GALNT2: variants seen among roughly 807,000 people sequenced by gnomAD.
GALNT2 encodes the protein UDP-GalNAc:polypeptide N-acetylgalactosaminyltransferase 2.
GALNT2 carries 31 observed loss-of-function variants against 81.4 expected under a neutral mutation model. The observed-to-expected ratio is 0.38, with a 90% CI of 0.29 to 0.51. The LOEUF (loss-of-function observed/expected upper bound fraction) is 0.51, where lower values mean the gene tolerates loss of function less well. GALNT2 is among the 20% of genes least tolerant of loss of function. The probability of loss-of-function intolerance (pLI) is 0.87; values close to 1 mark genes in which losing one functional copy is unlikely to be tolerated. For missense variants in GALNT2, 629 were observed against 765.7 expected (o/e 0.82, Z 2.11); for synonymous variants, 303 against 287.4 (o/e 1.05, Z -0.55).
chr1:230,207,184 T>C (rs114126875), intron 3 of GALNT2, among the ~76,000 whole-genome samples: 180 of 152,146 alleles, frequency 1.2e-3, no homozygotes, highest in African/African-American at 4.0e-3. Flanking sequence ...CTGGCATATA[T>C]TGAGTGCCCA....
intron 1 of GALNT2, among the ~76,000 whole-genome samples, chr1:230,168,126 C>T (rs575227491): frequency 9.9e-5 from 15 of 152,156 alleles, no homozygotes; most frequent in Admixed American, 9.2e-4. Context: ...ACTGGGGAGG[C>T]GGTGGACTCG....
intron 6 of GALNT2, among the ~76,000 whole-genome samples, chr1:230,241,584 T>C (rs1328162415): frequency 1.3e-5 from 2 of 152,098 alleles, no homozygotes; most frequent in Non-Finnish European, 2.9e-5. Context: ...GTAGCTGGGA[T>C]TACAGGCGCA....
At chr1:230,076,301 T>C (rs946419992) in intron 1 of GALNT2, among the ~76,000 whole-genome samples, 1 of 152,212 alleles carries the variant, frequency 6.6e-6, no homozygotes, top group African/African-American at 2.4e-5. Context: ...AGTCATTCAT[T>C]GTTAGGTGCA....
At chr1:230,085,091 T>C (rs965548919) in intron 1 of GALNT2, among the ~76,000 whole-genome samples, 1 of 152,170 alleles carries the variant, frequency 6.6e-6, no homozygotes, top group Admixed American at 6.5e-5. Context: ...AGGAATAGAA[T>C]GATCAGTTGT....
intron 14 of GALNT2, among the ~76,000 whole-genome samples, chr1:230,267,003 C>CACAG (rs143939014): frequency 6.6e-6 from 1 of 151,964 alleles, no homozygotes; most frequent in African/African-American, 2.4e-5. Context: ...CACACACACA[C>CACAG]ACACACACAC....
Position 230,279,422 on chromosome 1 carries a change from G to A in GALNT2, c.1680G>A (p.Ser560=), listed in dbSNP as rs748324953. The A allele has an allele frequency of 9.9e-6, 16 of 1,614,090 alleles. No individual in the cohort carries two copies. The East Asian group carries it at 1.6e-4, about 16-fold the overall frequency. Residue 560 remains serine (S), a synonymous_variant, in exon 16 of 16, where the codon TCG becomes TCA. Coordinates refer to ENST00000366672, the MANE Select transcript of GALNT2 (RefSeq NM_004481.5). This position sits in a 1 kb window ranked among gnomAD's most constrained non-coding sequence, Gnocchi z 4.6. The part of the protein sequence containing the change: ...LSVEVCGPAL[S]QQWKFTLNLQ... ...TGGAGGTGTGTGGCCCGGCCCTTTC[G>A]CAGCAGTGGAAGTTCACGCTCAACC...
chr1:230,258,094 T>C (rs1009672721), intron 11 of GALNT2, among the ~76,000 whole-genome samples: 15 of 152,152 alleles, frequency 9.9e-5, no homozygotes. Flanking sequence ...TTTGTATTTT[T>C]AGTAGAGACA....
At chr1:230,114,163 T>G (rs1421621964) in intron 1 of GALNT2, among the ~76,000 whole-genome samples, 1 of 152,192 alleles carries the variant, frequency 6.6e-6, no homozygotes, top group Non-Finnish European at 1.5e-5. Context: ...TCTGAGATTC[T>G]TGGAAACGGG....
At chr1:230,100,868 T>C (rs201825336) in intron 1 of GALNT2, among the ~76,000 whole-genome samples, 1 of 49,716 alleles carries the variant, frequency 2.0e-5, no homozygotes, top group Admixed American at 2.0e-4. Context: ...ATGGGAAATA[T>C]ACATGTACAC....
At chr1:230,062,242 T>C (rs1176243344), upstream of GALNT2, among the ~76,000 whole-genome samples, 3 of 152,224 alleles carry the variant, frequency 2.0e-5, no homozygotes, top group African/African-American at 7.2e-5. Flanking sequence ...CGCCATTTTT[T>C]ATAGGAGATT....
In GALNT2 at chr1:230,258,265, C is replaced by T. The variant is rs752116652; in HGVS notation, c.1136+2921C>T. Among the ~76,000 whole-genome samples, 68 of 148,896 alleles carry T rather than the reference C, an allele frequency of 4.6e-4. 1 individual carries two copies. The highest frequency in any genetic ancestry group is 9.6e-4 in the Non-Finnish European group (65 of 67,484). On this transcript the variant is annotated intron_variant, in intron 11 of 15. Transcript: ENST00000366672. ...CTTTTTTGAGACGGAGTTTCGATCT[C>T]GTTGCCCACACTGGAGTGCAATGGC...
chr1:230,216,607 T>C (rs995120353), intron 3 of GALNT2, among the ~76,000 whole-genome samples: 1 of 152,136 alleles, frequency 6.6e-6, no homozygotes, highest in Non-Finnish European at 1.5e-5. Flanking sequence ...AAAAATTGTT[T>C]AGTAGAGATG....
At position 230,135,123 on chromosome 1, in the gene GALNT2, G is replaced by A. The variant is rs1661494739; in HGVS notation, c.127-43095G>A. On this transcript the variant is annotated intron_variant, in intron 1 of 15. Transcript: ENST00000366672. Reference sequence around the variant, plus strand: ...TGCACCATCATTTTGTCAATTTTAAGATGCATTCCCCATTTCAGAGATGTC... The same window carrying A: ...TGCACCATCATTTTGTCAATTTTAAAATGCATTCCCCATTTCAGAGATGTC... 2.6e-5 allele frequency among the ~76,000 whole-genome samples: 4 copies of A among 151,758 alleles called. No homozygotes were observed. The South Asian group carries it at 8.3e-4, about 32-fold the overall frequency.
intron 10 of GALNT2, among the ~76,000 whole-genome samples, chr1:230,254,624 T>C (rs1665651083): frequency 6.6e-6 from 1 of 152,226 alleles, no homozygotes; most frequent in Non-Finnish European, 1.5e-5. Flanking sequence ...GAAGGGATTA[T>C]TTTTCCCTGG....
intron 1 of GALNT2, among the ~76,000 whole-genome samples, chr1:230,083,273 T>TGGGGAGCCCAGATGTTGGAGC (rs1659799120): frequency 1.1e-5 from 1 of 87,704 alleles, no homozygotes; most frequent in Non-Finnish European, 2.2e-5. Context: ...GATGATGGAG[T>TGGGGAGCCCAGATGTTGGAGC]GGGGAGCCCA....
chr1:230,141,513 A>G lies in GALNT2; in HGVS notation c.127-36705A>G, dbSNP rs114110108. The stretch of plus-strand genomic sequence containing the variant: ...CTGTCTTCATGAATTTGACTCCTCT[A>G]GGTCCCTCATGTTAGTGGAATCATC... On this transcript the variant is annotated intron_variant, in intron 1 of 15. Coordinates refer to ENST00000366672, the MANE Select transcript of GALNT2 (RefSeq NM_004481.5). 7.1e-3 allele frequency among the ~76,000 whole-genome samples: 1,085 copies of G among 152,186 alleles called. 17 individuals carry two copies. The highest frequency in any genetic ancestry group is 0.024 in the African/African-American group (1,000 of 41,512).
chr1:230,224,069 A>G (rs772542641), intron 3 of GALNT2, among the ~76,000 whole-genome samples: 4 of 152,234 alleles, frequency 2.6e-5, no homozygotes, highest in African/African-American at 4.8e-5. Flanking sequence ...ACATCTCTTC[A>G]TGGAACAATG....
chr1:230,163,749 A>G (rs1662510611), intron 1 of GALNT2, among the ~76,000 whole-genome samples: 1 of 152,226 alleles, frequency 6.6e-6, no homozygotes, highest in Admixed American at 6.5e-5. Flanking sequence ...TCTTGGTAAA[A>G]TTACTGTTTT....
intron 12 of GALNT2, 87 bp from the exon 13 acceptor site, chr1:230,262,835 G>A: frequency 2.8e-6 from 4 of 1,419,740 alleles, no homozygotes; most frequent in Non-Finnish European, 4.0e-6. Context: ...CCCCAACCCT[G>A]TTCTCCTCAG....
Sources: allele counts gnomAD v4.1 joint callset (sites outside exome capture counted in the v4.1 genomes callset), GRCh38; gene constraint gnomAD v4.1.1; non-coding constraint Gnocchi (gnomAD v3.1); transcripts MANE v1.5; gene names NCBI Gene and HGNC (gene_info 2026-07-23, HGNC 2026-07-21).